The following CCDC171 variants were observed in gnomAD, a reference collection of about 807,000 sequenced individuals.
The protein encoded by CCDC171 is coiled-coil domain containing 171.
In CCDC171, 177 loss-of-function variants were observed where a neutral mutation model predicts 168.2. The ratio of observed to expected loss-of-function variants is 1.05; its 90% confidence interval spans 0.93 to 1.19. The LOEUF is 1.19. Among genes scored for constraint, CCDC171 ranks in the 50% most tolerant of loss-of-function variants. The probability of loss-of-function intolerance (pLI) is 0.00; values close to 1 mark genes in which losing one functional copy is unlikely to be tolerated. For synonymous variants in CCDC171, 687 were observed against 540.8 expected (o/e 1.27, Z -3.75); for missense variants, 1,991 against 1,539.0 (o/e 1.29, Z -4.91).
At chr9:16,064,101 G>C (rs998661039), downstream of CCDC171, among the ~76,000 whole-genome samples, 1 of 152,174 alleles carries the variant, frequency 6.6e-6, no homozygotes, top group African/African-American at 2.4e-5. Flanking sequence ...CTTTAACTCT[G>C]ACAAAATTAG....
chr9:15,602,299 A>G (rs2042913388), intron 6 of CCDC171, among the ~76,000 whole-genome samples: 1 of 144,938 alleles, frequency 6.9e-6, no homozygotes, highest in African/African-American at 2.4e-5. Context: ...TGATGGGTTT[A>G]GTTTTACATA....
chr9:15,685,088 C>G (rs914917144), intron 10 of CCDC171, among the ~76,000 whole-genome samples: 1 of 152,106 alleles, frequency 6.6e-6, no homozygotes, highest in African/African-American at 2.4e-5. Context: ...TTTTAAATTT[C>G]TGGGGATGTT....
At chr9:15,932,399 C>G (rs1826634529) in intron 25 of CCDC171, among the ~76,000 whole-genome samples, 3 of 151,548 alleles carry the variant, frequency 2.0e-5, no homozygotes, top group Admixed American at 2.0e-4. Context: ...TTCTTTATTT[C>G]TTTTTCAGAT....
chr9:15,911,798 A>G (rs1466165561), intron 24 of CCDC171, among the ~76,000 whole-genome samples: 2 of 152,218 alleles, frequency 1.3e-5, no homozygotes, highest in South Asian at 2.1e-4. Context: ...CATTTATTAA[A>G]TAGGGAATCC....
At chr9:15,869,175 T>C (rs2061920872) in intron 23 of CCDC171, among the ~76,000 whole-genome samples, 1 of 152,004 alleles carries the variant, frequency 6.6e-6, no homozygotes, top group Admixed American at 6.6e-5. Context: ...CCAACTGAAC[T>C]TTGAAAAGTA....
downstream of CCDC171, among the ~76,000 whole-genome samples, chr9:15,978,576 T>G (rs921750575): frequency 3.3e-5 from 5 of 152,194 alleles, no homozygotes; most frequent in Non-Finnish European, 7.4e-5. Flanking sequence ...GAATATGAAG[T>G]TAATCAGAGT....
intron 18 of CCDC171, among the ~76,000 whole-genome samples, chr9:15,758,048 C>T (rs1386515655): frequency 6.6e-6 from 1 of 152,216 alleles, no homozygotes; most frequent in African/African-American, 2.4e-5. Flanking sequence ...AGCCCCCACA[C>T]AGAGTCCCTA....
At chr9:15,950,512 C>G (rs1829015173) in intron 25 of CCDC171, among the ~76,000 whole-genome samples, 1 of 152,032 alleles carries the variant, frequency 6.6e-6, no homozygotes, top group Admixed American at 6.6e-5. Flanking sequence ...AATTTCATAT[C>G]CAGCCAAACT....
intron 3 of CCDC171, among the ~76,000 whole-genome samples, chr9:16,018,841 T>A (rs1332260192): frequency 6.6e-6 from 1 of 152,208 alleles, no homozygotes; most frequent in Non-Finnish European, 1.5e-5. Flanking sequence ...TAGGAGGGCC[T>A]TTTTTCAGAG....
chr9:15,655,868 C>T (rs760578087), intron 7 of CCDC171, among the ~76,000 whole-genome samples: 13 of 152,222 alleles, frequency 8.5e-5, no homozygotes, highest in Non-Finnish European at 1.2e-4. Flanking sequence ...ATAACCACTA[C>T]ATGCCTATTT....
At chr9:15,554,255 C>CAAG (rs1386736041) in intron 1 of CCDC171, among the ~76,000 whole-genome samples, 3 of 152,164 alleles carry the variant, frequency 2.0e-5, no homozygotes, top group Non-Finnish European at 4.4e-5. Flanking sequence ...CTCCTGACAT[C>CAAG]GTGATCCGCC....
intron 12 of CCDC171, among the ~76,000 whole-genome samples, chr9:15,722,835 A>C (rs1034302977): frequency 3.9e-5 from 6 of 152,234 alleles, no homozygotes; most frequent in Admixed American, 3.9e-4. Context: ...TTAAATTTCT[A>C]TGAGGAACAA....
At chr9:16,084,377 C>G in the CCDC171 span, among the ~76,000 whole-genome samples, 1 of 152,110 alleles carries the variant, frequency 6.6e-6, no homozygotes, top group Non-Finnish European at 1.5e-5. Flanking sequence ...TCTTGTGTTC[C>G]TCTCTCTACT....
At chr9:15,792,521 T>A (rs1010053302) in intron 21 of CCDC171, among the ~76,000 whole-genome samples, 67 of 152,142 alleles carry the variant, frequency 4.4e-4, no homozygotes, top group African/African-American at 1.6e-3. Context: ...CACATAATTG[T>A]CAGATTCACC....
At chr9:15,596,359 A>G (rs1276284490) in intron 6 of CCDC171, among the ~76,000 whole-genome samples, 1 of 151,718 alleles carries the variant, frequency 6.6e-6, no homozygotes, top group East Asian at 1.9e-4. Flanking sequence ...AGCTTTCTAC[A>G]TATGGCTAGC....
chr9:15,893,906 C>G (rs1369959316), intron 24 of CCDC171, among the ~76,000 whole-genome samples: 2 of 152,018 alleles, frequency 1.3e-5, no homozygotes, highest in African/African-American at 4.8e-5. Flanking sequence ...ACCATTTGAC[C>G]CAGCAATCCC....
intron 21 of CCDC171, among the ~76,000 whole-genome samples, chr9:15,790,101 T>C (rs1342705516): frequency 6.6e-6 from 1 of 152,216 alleles, no homozygotes; most frequent in Non-Finnish European, 1.5e-5. Flanking sequence ...TTATAATCCT[T>C]TGGGTATATA....
chr9:15,992,306 T>G (rs934213268), intron 3 of CCDC171, among the ~76,000 whole-genome samples: 7 of 152,058 alleles, frequency 4.6e-5, no homozygotes, highest in Admixed American at 6.6e-5. Context: ...ATCCAGCATA[T>G]AAACAGAACC....
chr9:16,001,997 C>G (rs935776050), intron 3 of CCDC171, among the ~76,000 whole-genome samples: 1 of 151,644 alleles, frequency 6.6e-6, no homozygotes, highest in South Asian at 2.1e-4. Flanking sequence ...CCACCATTGC[C>G]CATCTGATTT....
Sources: gnomAD v4.1 joint callset for allele counts (sites outside exome capture counted in the v4.1 genomes callset) on GRCh38, gnomAD v4.1.1 for gene constraint, MANE v1.5 for transcripts, NCBI Gene and HGNC (gene_info 2026-07-23, HGNC 2026-07-21) for gene names.